Variants in PARD3B observed in about 807,000 individuals in gnomAD.
PARD3B encodes the protein par-3 family cell polarity regulator beta.
Under a neutral mutation model 130.2 loss-of-function variants are expected in PARD3B, and 103 were observed. The ratio of observed to expected loss-of-function variants is 0.79; its 90% CI spans 0.67 to 0.93. The LOEUF (loss-of-function observed/expected upper bound fraction) is 0.93. Ranked by LOEUF, PARD3B falls within the 40% of genes least tolerant of loss-of-function variation. The pLI is 0.00. For synonymous variants in PARD3B, 583 were observed against 553.2 expected (o/e 1.05, Z -0.76); for missense variants, 1,609 against 1,499.2 (o/e 1.07, Z -1.21).
chr2:205,527,800 G>A (rs2051404515), intron 21 of PARD3B, among the ~76,000 whole-genome samples: 1 of 152,162 alleles, frequency 6.6e-6, no homozygotes, highest in African/African-American at 2.4e-5. Context: ...CTCAGGAAAA[G>A]GAGGAGGATC....
Position 205,288,215 on chromosome 2 carries a change from A to G in PARD3B, c.2186-12315A>G, listed in dbSNP as rs1202184826. On this transcript the variant is annotated intron_variant, in intron 16 of 22. Coordinates refer to ENST00000406610, the MANE Select transcript of PARD3B (RefSeq NM_001302769.2). This position sits in a 1 kb window ranked among gnomAD's most constrained non-coding sequence, Gnocchi z 4.0. ...CCCCCTGTCCCGTCCACCCAGACAC[A>G]TAACCCTGAGCACCTCCTGGCTCCC... 6.6e-6 allele frequency among the ~76,000 whole-genome samples: 1 copy of G among 152,142 alleles called. No homozygotes were observed. Among genetic ancestry groups the G allele is most frequent in the African/African-American group, 2.4e-5 (1 of 41,422 alleles).
At chr2:204,547,083 A>G (rs16836328) in intron 1 of PARD3B, among the ~76,000 whole-genome samples, 2,411 of 152,320 alleles carry the variant, frequency 0.016, 71 homozygotes, top group African/African-American at 0.056. Context: ...TTCTCTTAAT[A>G]TTTGGTCTCG....
At chr2:205,206,602 A>C (rs2037327639) in intron 15 of PARD3B, among the ~76,000 whole-genome samples, 1 of 150,982 alleles carries the variant, frequency 6.6e-6, no homozygotes, top group African/African-American at 2.5e-5. Flanking sequence ...ACATTTTCTT[A>C]ATCCAGTCTA....
chr2:204,618,009 C>T (rs746518077), intron 1 of PARD3B, among the ~76,000 whole-genome samples: 3 of 152,156 alleles, frequency 2.0e-5, no homozygotes, highest in South Asian at 2.1e-4. Context: ...TGAACATACA[C>T]GTGCATGAGT....
At chr2:205,083,712 C>A (rs1204807500) in intron 4 of PARD3B, among the ~76,000 whole-genome samples, 1 of 150,626 alleles carries the variant, frequency 6.6e-6, no homozygotes, top group Non-Finnish European at 1.5e-5. Flanking sequence ...ATATTCATGT[C>A]TTCTTTTCAT....
intron 20 of PARD3B, among the ~76,000 whole-genome samples, chr2:205,459,719 A>C (rs2106221533): frequency 6.6e-6 from 1 of 152,266 alleles, no homozygotes; most frequent in South Asian, 2.1e-4. Flanking sequence ...TCTCCCTCTC[A>C]GAGACCTGTT....
chr2:205,198,356 ATGAAGAT>A (rs1452284340), intron 15 of PARD3B, among the ~76,000 whole-genome samples: 1 of 152,200 alleles, frequency 6.6e-6, no homozygotes, highest in African/African-American at 2.4e-5. Context: ...TTTCCTGACA[ATGAAGAT>A]TGTTAACATT....
At chr2:205,402,485 T>C (rs1415782029) in intron 19 of PARD3B, among the ~76,000 whole-genome samples, 2 of 152,222 alleles carry the variant, frequency 1.3e-5, no homozygotes, top group African/African-American at 4.8e-5. Context: ...TTTTCTAGAA[T>C]GCAGACTTTA....
At chr2:205,201,976 A>G (rs2037017652) in intron 15 of PARD3B, among the ~76,000 whole-genome samples, 1 of 152,182 alleles carries the variant, frequency 6.6e-6, no homozygotes, top group Non-Finnish European at 1.5e-5. Context: ...GAATAGATGA[A>G]AAGTTGAATT....
intron 4 of PARD3B, among the ~76,000 whole-genome samples, chr2:205,084,946 C>G (rs1459361385): frequency 2.6e-5 from 4 of 151,928 alleles, no homozygotes; most frequent in Non-Finnish European, 5.9e-5. Flanking sequence ...TTATTAGATG[C>G]CACTTTCTAT....
At chr2:205,435,897 A>G (rs1043381017) in intron 19 of PARD3B, among the ~76,000 whole-genome samples, 2 of 152,170 alleles carry the variant, frequency 1.3e-5, no homozygotes, top group Non-Finnish European at 1.5e-5. Flanking sequence ...GCTATTCCAC[A>G]GCTTCACCAT....
At chr2:204,883,749 A>G (rs1475803421) in intron 2 of PARD3B, among the ~76,000 whole-genome samples, 2 of 149,422 alleles carry the variant, frequency 1.3e-5, no homozygotes, top group Non-Finnish European at 3.0e-5. Context: ...TGGCCTATAT[A>G]TATTTTTTGA....
At chr2:205,350,215 A>T (rs2105842075) in intron 18 of PARD3B, among the ~76,000 whole-genome samples, 1 of 152,348 alleles carries the variant, frequency 6.6e-6, no homozygotes, top group Middle Eastern at 3.4e-3. Context: ...GACTTTGAAG[A>T]GCCTCTCAGG....
Position 204,778,667 on chromosome 2 carries a change from C to T in PARD3B, c.222+92385C>T, listed in dbSNP as rs1196799206. ...CTCATCACCCACCAGTAGCTCACTG[C>T]CAAGTCCTGTTGATGGTCGTTATAA... On this transcript the variant is annotated intron_variant, in intron 2 of 22. Coordinates refer to ENST00000406610, the MANE Select transcript of PARD3B (RefSeq NM_001302769.2). Among the ~76,000 whole-genome samples the T allele has an allele frequency of 6.6e-5, 10 of 152,156 alleles. 1 individual carries two copies. The highest frequency in any genetic ancestry group is 2.9e-5 in the Non-Finnish European group (2 of 68,028).
intron 2 of PARD3B, among the ~76,000 whole-genome samples, chr2:204,709,999 G>A (rs1052700864): frequency 6.6e-6 from 1 of 152,056 alleles, no homozygotes; most frequent in African/African-American, 2.4e-5. Context: ...AGGAAAACAG[G>A]GCCTTTTCCA....
Position 204,841,090 on chromosome 2 carries a change from A to T in PARD3B, c.223-124062A>T, listed in dbSNP as rs1013196029. Among the ~76,000 whole-genome samples, 6 of 152,292 alleles carry T rather than the reference A, an allele frequency of 3.9e-5. No individual in the cohort carries two copies. In the East Asian group the frequency reaches 1.2e-3, roughly 29 times the overall value. ...TTTGCTCATGAAGAGCACATTGGCA[A>T]GGACAACACAAAGAAGCTTGTTCTG... On this transcript the variant is annotated intron_variant, in intron 2 of 22. Transcript: ENST00000406610.
At chr2:205,402,922 A>G (rs1256700535) in intron 19 of PARD3B, among the ~76,000 whole-genome samples, 1 of 152,176 alleles carries the variant, frequency 6.6e-6, no homozygotes, top group Non-Finnish European at 1.5e-5. Context: ...TAATGACCAA[A>G]GGCATTTCAA....
At chr2:205,466,619 T>C (rs1211236096) in intron 20 of PARD3B, among the ~76,000 whole-genome samples, 1 of 152,246 alleles carries the variant, frequency 6.6e-6, no homozygotes, top group Non-Finnish European at 1.5e-5. Flanking sequence ...ACTTAAGAGT[T>C]TCAATGGCTG....
intron 18 of PARD3B, among the ~76,000 whole-genome samples, chr2:205,317,067 A>G (rs2042587648): frequency 6.6e-6 from 1 of 152,142 alleles, no homozygotes; most frequent in Non-Finnish European, 1.5e-5. Context: ...AGGGCATATA[A>G]GTTGTAATAT....
Sources: gnomAD v4.1 joint callset for allele counts (sites outside exome capture counted in the v4.1 genomes callset) on GRCh38, gnomAD v4.1.1 for gene constraint, Gnocchi (gnomAD v3.1) non-coding constraint, MANE v1.5 for transcripts, NCBI Gene and HGNC (gene_info 2026-07-23, HGNC 2026-07-21) for gene names.